ERCC5: variants seen among roughly 807,000 people sequenced by gnomAD.
ERCC5 encodes ERCC excision repair 5, endonuclease.
In ERCC5, 68 loss-of-function variants were observed where a neutral mutation model predicts 105.6. The observed-to-expected ratio is 0.64, with a 90% CI of 0.53 to 0.79. The LOEUF is 0.79. Ranked by LOEUF, ERCC5 falls within the 30% of genes least tolerant of loss-of-function variation. The pLI, the probability that ERCC5 is intolerant of heterozygous loss-of-function variation, is 0.00. For synonymous variants in ERCC5, 546 were observed against 526.2 expected, an observed-to-expected ratio of 1.04 and a Z score of -0.51; for missense variants, 1,373 against 1,426.7, an observed-to-expected ratio of 0.96 and a Z score of 0.61.
At position 102,861,572 on chromosome 13, in the gene ERCC5, T is replaced by C. The variant is rs574714459; in HGVS notation, c.738T>C (p.His246=). 16 of 1,614,126 alleles carry C rather than the reference T, an allele frequency of 9.9e-6. 1 individual carries two copies. In the African/African-American group the frequency reaches 1.1e-4, roughly 11 times the overall value. The change falls in exon 7 of 15, where the codon CAT becomes CAC. Residue 246 remains histidine, a synonymous_variant. Transcript: ENST00000652225. ...GLLKKNYLNQ[H]IEHVQKEMNQ... Reference sequence around the variant, plus strand: ...TTAAAAAGAACTATCTGAACCAGCATATAGAACATGTCCAAAAGGAAATGA... The same window carrying C: ...TTAAAAAGAACTATCTGAACCAGCACATAGAACATGTCCAAAAGGAAATGA...
intron 5 of ERCC5, among the ~76,000 whole-genome samples, chr13:102,857,451 G>A (rs1421052548): frequency 3.9e-5 from 6 of 152,284 alleles, no homozygotes; most frequent in Non-Finnish European, 7.3e-5. Flanking sequence ...AATGCTGAGC[G>A]CAGTGACAGG....
chr13:102,862,540 G>T lies in ERCC5; in HGVS notation c.1391G>T (p.Gly464Val). ...GAGCACGTAGCCAGCACTAATGAGG[G>T]GAGAGAGCCCACAGACTCAGTTCCA... The part of the protein sequence containing the change: ...AEEHVASTNE[G>V]REPTDSVPKE... The change falls in exon 8 of 15, where the codon GGG becomes GTG. Residue 464 changes from glycine to valine, a missense_variant. This residue lies in a region of ERCC5 where 1,004 missense variants were observed against 1,059.7 expected (regional missense o/e 0.95). Transcript: ENST00000652225. 1 of 1,614,124 alleles carries T rather than the reference G, an allele frequency of 6.2e-7. No homozygotes were observed. Among genetic ancestry groups the T allele is most frequent in the Non-Finnish European group, 8.5e-7 (1 of 1,180,024 alleles).
At chr13:102,857,356 G>A (rs967169809) in intron 5 of ERCC5, among the ~76,000 whole-genome samples, 3 of 152,158 alleles carry the variant, frequency 2.0e-5, no homozygotes, top group Non-Finnish European at 2.9e-5. Flanking sequence ...ATTCTCCAAG[G>A]CTTTATTTTT....
intron 2 of ERCC5, 32 bp from the exon 3 acceptor site, chr13:102,853,725 G>A (rs1299565336): frequency 1.9e-6 from 3 of 1,601,436 alleles, no homozygotes; most frequent in Non-Finnish European, 2.6e-6. Flanking sequence ...CTAATATCCT[G>A]AAGTGAGATC....
At chr13:102,854,406 T>C (rs1882325734) in intron 4 of ERCC5, 32 bp downstream of exon 4, 1 of 1,597,902 alleles carries the variant, frequency 6.3e-7, no homozygotes, top group African/African-American at 1.3e-5. Context: ...AATATTATTT[T>C]AGTCATTGCT....
chr13:102,872,307 C>G lies in ERCC5; in HGVS notation c.2788C>G (p.Pro930Ala), dbSNP rs771358100. Residue 930 changes from proline to alanine, a missense_variant, in exon 13 of 15, where the codon CCA (proline) becomes GCA (alanine). By Grantham distance (27) the Pro-to-Ala change is conservative. This residue lies in a region of ERCC5 where 367 missense variants were observed against 350.2 expected (regional missense o/e 1.05). Coordinates refer to ENST00000652225, the MANE Select transcript of ERCC5 (RefSeq NM_000123.4). ...GCAACTCACCCCTGGCTTTCCTAACCCAGCTGTTGCCGAGGCCTACCTCAA... is the reference window on the plus strand; with the variant it reads ...GCAACTCACCCCTGGCTTTCCTAACGCAGCTGTTGCCGAGGCCTACCTCAA... The part of the protein sequence containing the change: ...TLQLTPGFPN[P>A]AVAEAYLKPV... 3.3e-5 allele frequency: 54 copies of G among 1,614,152 alleles called. 1 individual carries two copies. The South Asian group carries it at 5.1e-4, about 15-fold the overall frequency.
chr13:102,853,790 A>G lies in ERCC5; in HGVS notation c.298A>G (p.Ser100Gly), dbSNP rs1386557948. The G allele has an allele frequency of 6.2e-7, 1 of 1,614,100 alleles. No homozygotes were observed. Among genetic ancestry groups the G allele is most frequent in the Non-Finnish European group, 8.5e-7 (1 of 1,180,030 alleles). The part of the protein sequence containing the change: ...KRRQRKDLAS[S>G]DSRKTTEKLL... Reference sequence around the variant, plus strand: ...AAGGCAGAGAAAGGACTTAGCGTCCAGTGACTCCAGGAAAACGACAGAGAA... The same window carrying G: ...AAGGCAGAGAAAGGACTTAGCGTCCGGTGACTCCAGGAAAACGACAGAGAA... The change falls in exon 3 of 15, where the codon AGT becomes GGT. Residue 100 changes from serine to glycine, a missense_variant. Coordinates refer to ENST00000652225, the MANE Select transcript of ERCC5 (RefSeq NM_000123.4).
rs951759315 is a variant in ERCC5, at chr13:102,868,335, G to A, written c.2678+78G>A. Reference sequence around the variant, plus strand: ...CAAATAGAACTATTATTTACAGCATGAACTGTCATGCTGTAACATGTGAAC... The same window carrying A: ...CAAATAGAACTATTATTTACAGCATAAACTGTCATGCTGTAACATGTGAAC... On this transcript the variant is annotated intron_variant, in intron 12 of 14. Transcript: ENST00000652225. The A allele has an allele frequency of 1.6e-5, 25 of 1,570,084 alleles. No homozygotes were observed. In the Admixed American group the frequency reaches 4.3e-4, roughly 27 times the overall value.
chr13:102,854,962 T>C (rs1475002439), intron 4 of ERCC5, among the ~76,000 whole-genome samples: 1 of 152,244 alleles, frequency 6.6e-6, no homozygotes. Flanking sequence ...AGTTTGCCTT[T>C]GTCCCCTGTC....
chr13:102,874,609 CCT>C (rs1199883827), intron 14 of ERCC5: 1 of 152,238 alleles, frequency 6.6e-6, no homozygotes, highest in Non-Finnish European at 1.5e-5. Context: ...GCAAGCTCCG[CCT>C]CCCGGGTTCA....
Position 102,875,429 on chromosome 13 carries a change from A to G in ERCC5, c.3087A>G (p.Ala1029=), listed in dbSNP as rs200795364. The change falls in exon 15 of 15, where the codon GCA becomes GCG. Residue 1029 remains alanine, a synonymous_variant. Transcript: ENST00000652225. ...GTATGCTAAGGAAAGAGAAAGAAGC[A>G]GCAGCCAGCGAAATAGAAGCAGTTT... The part of the protein sequence containing the change: ...VTCMLRKEKE[A]AASEIEAVSV... 7 of 1,614,260 alleles carry G rather than the reference A, an allele frequency of 4.3e-6. No homozygotes were observed.
At chr13:102,860,068 G>A (rs1306488839) in intron 6 of ERCC5, among the ~76,000 whole-genome samples, 1 of 152,162 alleles carries the variant, frequency 6.6e-6, no homozygotes, top group South Asian at 2.1e-4. Context: ...TAATCACTGA[G>A]TAGCTGTCGC....
chr13:102,850,290 C>A (rs1417213526), intron 1 of ERCC5, among the ~76,000 whole-genome samples: 1 of 151,986 alleles, frequency 6.6e-6, no homozygotes, highest in African/African-American at 2.4e-5. Context: ...GAGGAGGGGA[C>A]CCCTGGACTG....
In ERCC5 at chr13:102,862,821, T is replaced by A. The variant is rs148062220; in HGVS notation, c.1672T>A (p.Ser558Thr). 18 of 1,614,244 alleles carry A rather than the reference T, an allele frequency of 1.1e-5. No individual in the cohort carries two copies. In the African/African-American group the frequency reaches 2.1e-4, roughly 19 times the overall value. ...TTGCCCATATGAGAGTAAATTCGATTCTTCTCTTCTTTCAAGTGATGATGA... is the reference window on the plus strand; with the variant it reads ...TTGCCCATATGAGAGTAAATTCGATACTTCTCTTCTTTCAAGTGATGATGA... ...ELCPYESKFD[S>T]SLLSSDDETK... Residue 558 changes from serine (S) to threonine (T), a missense_variant, in exon 8 of 15, where the codon TCT becomes ACT. By Grantham distance (58) the Ser-to-Thr change is moderately conservative. This residue lies in a region of ERCC5 where 1,004 missense variants were observed against 1,059.7 expected (regional missense o/e 0.95). Transcript: ENST00000652225.
At position 102,875,838 on chromosome 13, in the gene ERCC5, A is replaced by G; in HGVS notation, c.3496A>G (p.Arg1166Gly). The G allele has an allele frequency of 6.2e-7, 1 of 1,613,238 alleles. No homozygotes were observed. Among genetic ancestry groups the G allele is most frequent in the East Asian group, 2.2e-5 (1 of 44,878 alleles). The change falls in exon 15 of 15, where the codon AGA becomes GGA. Residue 1166 changes from arginine (R) to glycine (G), a missense_variant. Arg to Gly is a moderately radical substitution (Grantham distance 125, BLOSUM62 -2). This residue lies in a region of ERCC5 where 367 missense variants were observed against 350.2 expected (regional missense o/e 1.05). Transcript: ENST00000652225. The part of the protein sequence containing the change: ...GKEKMVLVTA[R>G]SVFGKKRRKL... Reference sequence around the variant, plus strand: ...AGAGAAGATGGTCCTCGTGACCGCCAGATCTGTGTTTGGGAAGAAAAGAAG... The same window carrying G: ...AGAGAAGATGGTCCTCGTGACCGCCGGATCTGTGTTTGGGAAGAAAAGAAG...
At chr13:102,854,688 T>C (rs1329822896) in intron 4 of ERCC5, among the ~76,000 whole-genome samples, 1 of 152,244 alleles carries the variant, frequency 6.6e-6, no homozygotes, top group Non-Finnish European at 1.5e-5. Context: ...CTCTAGCTGC[T>C]TTTCAATCCA....
chr13:102,859,960 T>C (rs574517289), intron 6 of ERCC5, among the ~76,000 whole-genome samples: 4 of 152,282 alleles, frequency 2.6e-5, no homozygotes, highest in Admixed American at 6.5e-5. Flanking sequence ...CCATTCTGAG[T>C]AGAGTGATGA....
Position 102,853,809 on chromosome 13 carries a change from CAGA to C in ERCC5, c.318_320del (p.Glu107del). On this transcript the variant is annotated inframe_deletion, in exon 3 of 15. Transcript: ENST00000652225. ...GCGTCCAGTGACTCCAGGAAAACGACAGAGAAGCTTCTGAAAACATTTTTGAAA... is the reference window on the plus strand; with the variant it reads ...GCGTCCAGTGACTCCAGGAAAACGACGAAGCTTCTGAAAACATTTTTGAAA... 1 of 1,614,178 alleles carries C rather than the reference CAGA, an allele frequency of 6.2e-7. No individual in the cohort carries two copies. The highest frequency in any genetic ancestry group is 2.2e-5 in the East Asian group (1 of 44,878).
In ERCC5 at chr13:102,865,827, T is replaced by C. The variant is rs781257824; in HGVS notation, c.2115T>C (p.Ser705=). ...CCGAGAGCCTCCTGAGGGACAACTC[T>C]GAGAGGGACGACGTGGATGGTGAGC... ...AESESLLRDN[S]ERDDVDGEPQ... Residue 705 remains serine, a synonymous_variant, in exon 9 of 15, where the codon TCT becomes TCC. Coordinates refer to ENST00000652225, the MANE Select transcript of ERCC5 (RefSeq NM_000123.4). This position sits in a 1 kb window ranked among gnomAD's most constrained non-coding sequence, Gnocchi z 4.0. 2.5e-6 allele frequency: 4 copies of C among 1,614,020 alleles called. No homozygotes were observed. The highest frequency in any genetic ancestry group is 1.3e-5 in the African/African-American group (1 of 74,912).
Sources: gnomAD v4.1 joint callset for allele counts (sites outside exome capture counted in the v4.1 genomes callset) on GRCh38, gnomAD v4.1.1 for gene constraint, gnomAD v4.1.1 regional missense constraint, Gnocchi (gnomAD v3.1) non-coding constraint, MANE v1.5 for transcripts, NCBI Gene and HGNC (gene_info 2026-07-23, HGNC 2026-07-21) for gene names.